The following C7orf57 variants were observed in gnomAD, a reference collection of about 807,000 sequenced individuals.
C7orf57 encodes chromosome 7 open reading frame 57, also known as uncharacterized protein C7orf57.
A neutral mutation model predicts 39.0 loss-of-function variants in C7orf57; 33 were observed. The observed-to-expected ratio is 0.85, with a 90% CI of 0.64 to 1.13. The LOEUF is 1.13. C7orf57 is among the 50% of genes most tolerant of loss of function. The pLI is 0.00. For missense variants in C7orf57, 346 were observed against 362.3 expected, an observed-to-expected ratio of 0.95 and a Z score of 0.37; for synonymous variants, 124 against 137.1, an observed-to-expected ratio of 0.90 and a Z score of 0.67.
chr7:48,053,972 G>A (rs539846354), intron 7 of C7orf57, among the ~76,000 whole-genome samples: 3 of 152,250 alleles, frequency 2.0e-5, no homozygotes, highest in African/African-American at 7.2e-5. Context: ...GGTGTGGTGT[G>A]GTTATTTGTA....
At chr7:48,041,053 G>A (rs769010927) in intron 2 of C7orf57, among the ~76,000 whole-genome samples, 3 of 152,100 alleles carry the variant, frequency 2.0e-5, no homozygotes, top group Non-Finnish European at 2.9e-5. Context: ...GTACCTCCCT[G>A]GGAAGCGAAA....
intron 8 of C7orf57, 62 bp from the exon 9 acceptor site, chr7:48,060,164 A>T (rs1242463602): frequency 1.9e-6 from 2 of 1,079,522 alleles, no homozygotes; most frequent in Non-Finnish European, 2.7e-6. Flanking sequence ...TTTAAAATTA[A>T]TGTTTTTTAA....
At chr7:48,039,125 C>G (rs1445170646) in intron 2 of C7orf57, among the ~76,000 whole-genome samples, 1 of 152,108 alleles carries the variant, frequency 6.6e-6, no homozygotes, top group African/African-American at 2.4e-5. Flanking sequence ...AGGAAAAGAG[C>G]TGGAAAAGGA....
At chr7:48,059,574 C>A (rs1351172679) in intron 8 of C7orf57, among the ~76,000 whole-genome samples, 3 of 152,222 alleles carry the variant, frequency 2.0e-5, no homozygotes, top group Non-Finnish European at 4.4e-5. Context: ...TGGTCTTGAA[C>A]TCCTAAGCTG....
At chr7:48,051,750 T>TC (rs1790898068) in intron 6 of C7orf57, among the ~76,000 whole-genome samples, 1 of 54,624 alleles carries the variant, frequency 1.8e-5, no homozygotes, top group Non-Finnish European at 4.3e-5. Flanking sequence ...TTTCTTTTTC[T>TC]TTTCTTTCTT....
intron 2 of C7orf57, among the ~76,000 whole-genome samples, chr7:48,037,175 G>C (rs971441603): frequency 8.6e-6 from 1 of 115,982 alleles, no homozygotes; most frequent in Non-Finnish European, 1.8e-5. Context: ...GATTGGAAAG[G>C]GGACAGCACA....
At chr7:48,040,736 C>T (rs1028982165) in intron 2 of C7orf57, among the ~76,000 whole-genome samples, 1 of 152,114 alleles carries the variant, frequency 6.6e-6, no homozygotes, top group East Asian at 1.9e-4. Context: ...GATTCGAGTG[C>T]CATTGCTCGG....
chr7:48,051,817 CTCTT>C (rs199558027), intron 6 of C7orf57, among the ~76,000 whole-genome samples: 9,549 of 50,904 alleles, frequency 0.19, 1,278 homozygotes, highest in East Asian at 0.2. Flanking sequence ...CTTTTCTCTT[CTCTT>C]TCTTTCTTTC....
intron 6 of C7orf57, among the ~76,000 whole-genome samples, chr7:48,051,852 T>TTTCTTTC (rs1554299774): frequency 1.2e-5 from 1 of 80,668 alleles, no homozygotes; most frequent in Non-Finnish European, 2.4e-5. Context: ...TCTTTCTTTC[T>TTTCTTTC]TTCTTTCTTT....
intron 8 of C7orf57, among the ~76,000 whole-genome samples, chr7:48,054,939 C>T (rs976837420): frequency 2.0e-5 from 3 of 152,014 alleles, no homozygotes; most frequent in Non-Finnish European, 4.4e-5. Flanking sequence ...TGCAGTGGCG[C>T]GATCTCCGCT....
At chr7:48,048,967 G>C (rs1202660124) in intron 5 of C7orf57, among the ~76,000 whole-genome samples, 1 of 152,122 alleles carries the variant, frequency 6.6e-6, no homozygotes, top group Admixed American at 6.5e-5. Flanking sequence ...CCTGACCAGA[G>C]ACATGGTAGC....
intron 6 of C7orf57, among the ~76,000 whole-genome samples, chr7:48,051,742 T>C (rs1790893739): frequency 1.5e-5 from 1 of 64,548 alleles, no homozygotes; most frequent in Non-Finnish European, 4.0e-5. Flanking sequence ...TTCTTTTCTT[T>C]CTTTTTCTTT....
Position 48,036,984 on chromosome 7 carries a change from G to A in C7orf57, c.55+621G>A, listed in dbSNP as rs578198437. Among the ~76,000 whole-genome samples, 23 of 152,184 alleles carry A rather than the reference G, an allele frequency of 1.5e-4. 1 individual carries two copies. The highest frequency in any genetic ancestry group is 2.6e-4 in the Admixed American group (4 of 15,296). ...TTTTTATTTGTGAAAGGCTGTAGGA[G>A]GGTAGAGAAGAGGGTCCTGGGGATC... is the stretch of plus-strand genomic sequence containing the variant. On this transcript the variant is annotated intron_variant, in intron 2 of 8. Coordinates refer to ENST00000348904, the MANE Select transcript of C7orf57 (RefSeq NM_001100159.3).
chr7:48,051,671 TCTTCCTTC>T (rs1325080647), intron 6 of C7orf57, among the ~76,000 whole-genome samples: 4 of 147,632 alleles, frequency 2.7e-5, no homozygotes, highest in African/African-American at 9.9e-5. Context: ...TTTCTTCCTT[TCTTCCTTC>T]CTTCCTTCCC....
chr7:48,058,111 A>G (rs959708745), intron 8 of C7orf57, among the ~76,000 whole-genome samples: 6 of 152,078 alleles, frequency 3.9e-5, no homozygotes, highest in African/African-American at 1.2e-4. Context: ...TTTTGCTGTG[A>G]ATTTTTGCAT....
intron 8 of C7orf57, among the ~76,000 whole-genome samples, chr7:48,056,409 G>C (rs959006449): frequency 6.6e-6 from 1 of 152,110 alleles, no homozygotes; most frequent in South Asian, 2.1e-4. Flanking sequence ...TCTGTGGCTT[G>C]TCTTTTGTTG....
intron 5 of C7orf57, among the ~76,000 whole-genome samples, chr7:48,047,247 A>G (rs1790744207): frequency 6.6e-6 from 1 of 152,206 alleles, no homozygotes; most frequent in African/African-American, 2.4e-5. Flanking sequence ...AGCTCCACCA[A>G]GGGCTCAGTG....
At chr7:48,050,039 C>A in intron 6 of C7orf57, 62 bp downstream of exon 6, 1 of 1,122,870 alleles carries the variant, frequency 8.9e-7, no homozygotes, top group Non-Finnish European at 1.4e-6. Context: ...TTCCGTCTTT[C>A]ATCCGGTGAT....
chr7:48,044,213 A>G (rs1473161321), intron 4 of C7orf57, among the ~76,000 whole-genome samples: 1 of 152,154 alleles, frequency 6.6e-6, no homozygotes, highest in Non-Finnish European at 1.5e-5. Context: ...GGTGGAAATT[A>G]GCGGCGGGTC....
Sources: gnomAD v4.1 joint callset for allele counts (sites outside exome capture counted in the v4.1 genomes callset) on GRCh38, gnomAD v4.1.1 for gene constraint, MANE v1.5 for transcripts, NCBI Gene and HGNC (gene_info 2026-07-23, HGNC 2026-07-21) for gene names.